MARCHF11: variants seen among roughly 807,000 people sequenced by gnomAD.
MARCHF11 encodes E3 ubiquitin-protein ligase MARCHF11.
MARCHF11 carries 29 observed loss-of-function variants against 37.3 expected under a neutral mutation model. That is an observed-to-expected ratio of 0.78 (90% confidence interval 0.58 to 1.06). The LOEUF (loss-of-function observed/expected upper bound fraction) is 1.06, where lower values mean the gene tolerates loss of function less well. MARCHF11 is among the 50% of genes least tolerant of loss of function. MARCHF11 has a pLI of 0.00. For missense variants in MARCHF11, 482 were observed against 533.4 expected, an observed-to-expected ratio of 0.90 and a Z score of 0.95; for synonymous variants, 233 against 228.0, an observed-to-expected ratio of 1.02 and a Z score of -0.20.
intron 2 of MARCHF11, among the ~76,000 whole-genome samples, chr5:16,095,987 C>T (rs975812011): frequency 6.6e-6 from 1 of 152,184 alleles, no homozygotes; most frequent in South Asian, 2.1e-4. Context: ...CCCATCAGTG[C>T]CTATGGGATA....
intron 2 of MARCHF11, among the ~76,000 whole-genome samples, chr5:16,137,741 G>A (rs549335280): frequency 3.3e-5 from 5 of 152,304 alleles, no homozygotes; most frequent in Admixed American, 1.3e-4. Flanking sequence ...AGAGGGAGAT[G>A]AGGAACTTAT....
intron 2 of MARCHF11, among the ~76,000 whole-genome samples, chr5:16,167,541 G>T (rs955023290): frequency 7.2e-5 from 11 of 152,072 alleles, no homozygotes; most frequent in Admixed American, 1.3e-4. Flanking sequence ...GAGGCCATCT[G>T]CTTTCGAGTG....
At chr5:16,113,818 C>T (rs759930097) in intron 2 of MARCHF11, among the ~76,000 whole-genome samples, 1 of 152,104 alleles carries the variant, frequency 6.6e-6, no homozygotes, top group Non-Finnish European at 1.5e-5. Context: ...TTGAAATATA[C>T]AATATATTGC....
intron 2 of MARCHF11, among the ~76,000 whole-genome samples, chr5:16,172,952 C>A (rs752411387): frequency 2.0e-5 from 3 of 152,138 alleles, no homozygotes; most frequent in Admixed American, 2.0e-4. Context: ...GGATAAAAAT[C>A]AAAAATAATC....
At chr5:16,125,077 G>A (rs534230455) in intron 2 of MARCHF11, among the ~76,000 whole-genome samples, 21 of 151,494 alleles carry the variant, frequency 1.4e-4, no homozygotes, top group African/African-American at 3.6e-4. Flanking sequence ...AGGTTTCTTC[G>A]CAAGAATATT....
intron 2 of MARCHF11, among the ~76,000 whole-genome samples, chr5:16,145,740 T>C (rs937417805): frequency 2.8e-5 from 4 of 141,202 alleles, no homozygotes; most frequent in Non-Finnish European, 3.2e-5. Context: ...CAAGATTTTA[T>C]GAAAAAAAAA....
At chr5:16,105,837 C>T (rs1326848278) in intron 2 of MARCHF11, among the ~76,000 whole-genome samples, 3 of 152,036 alleles carry the variant, frequency 2.0e-5, no homozygotes, top group African/African-American at 4.8e-5. Context: ...CTTCCCCATA[C>T]TTTTGAGTTC....
At chr5:16,138,400 C>A (rs10051368) in intron 2 of MARCHF11, among the ~76,000 whole-genome samples, 78 of 152,262 alleles carry the variant, frequency 5.1e-4, no homozygotes, top group African/African-American at 1.7e-3. Flanking sequence ...ATGAGATTTG[C>A]GAACTTCTCC....
chr5:16,081,841 AG>A (rs1433092175), intron 3 of MARCHF11, among the ~76,000 whole-genome samples: 3 of 152,280 alleles, frequency 2.0e-5, no homozygotes, highest in African/African-American at 4.8e-5. Flanking sequence ...TCCCCCCTTG[AG>A]GGGGCCTTAA....
intron 2 of MARCHF11, among the ~76,000 whole-genome samples, chr5:16,095,307 C>A (rs200068784): frequency 6.6e-6 from 1 of 152,222 alleles, no homozygotes; most frequent in East Asian, 1.9e-4. Flanking sequence ...TAAGCTTCAG[C>A]GGGGAGGGCT....
chr5:16,166,469 A>AGAGTG (rs74323287), intron 2 of MARCHF11, among the ~76,000 whole-genome samples: 1 of 151,192 alleles, frequency 6.6e-6, no homozygotes, highest in Non-Finnish European at 1.5e-5. Context: ...TGATTAGAGT[A>AGAGTG]CATTGATATA....
At chr5:16,112,627 G>T (rs1464134777) in intron 2 of MARCHF11, among the ~76,000 whole-genome samples, 1 of 152,132 alleles carries the variant, frequency 6.6e-6, no homozygotes, top group Non-Finnish European at 1.5e-5. Flanking sequence ...GTGGACTTTT[G>T]ATTTAATGCT....
At chr5:16,106,387 A>G (rs560673662) in intron 2 of MARCHF11, among the ~76,000 whole-genome samples, 1 of 152,308 alleles carries the variant, frequency 6.6e-6, no homozygotes, top group East Asian at 1.9e-4. Flanking sequence ...TCCTGTTAAA[A>G]TATGATTGTT....
At chr5:16,079,507 C>G (rs1005783142) in intron 3 of MARCHF11, among the ~76,000 whole-genome samples, 4 of 152,184 alleles carry the variant, frequency 2.6e-5, no homozygotes, top group African/African-American at 9.6e-5. Context: ...CAATCTTAAC[C>G]CAGTCTCACC....
At chr5:16,091,793 C>T (rs376484281) in intron 2 of MARCHF11, among the ~76,000 whole-genome samples, 1 of 152,090 alleles carries the variant, frequency 6.6e-6, no homozygotes, top group African/African-American at 2.4e-5. Flanking sequence ...ATTTGGTGCC[C>T]TAAGTATCAA....
At chr5:16,095,716 T>C (rs76595727) in intron 2 of MARCHF11, among the ~76,000 whole-genome samples, 10,765 of 152,146 alleles carry the variant, frequency 0.071, 1,236 homozygotes, top group African/African-American at 0.24. Flanking sequence ...TAAACAGGAT[T>C]CTTCGATCTG....
At chr5:16,137,548 G>A (rs1375815472) in intron 2 of MARCHF11, among the ~76,000 whole-genome samples, 3 of 152,280 alleles carry the variant, frequency 2.0e-5, no homozygotes, top group South Asian at 2.1e-4. Context: ...ATTGGTACTG[G>A]TAAAGTGGGA....
At position 16,179,564 on chromosome 5, in the gene MARCHF11, C is replaced by A; in HGVS notation, c.12G>T (p.Glu4Asp). Reference protein sequence around the residue: MSFEGGHGGSRCRG... With the variant: MSFDGGHGGSRCRG... The stretch of plus-strand genomic sequence containing the variant: ...GACACCGACTGCCGCCGTGGCCGCC[C>A]TCAAAGCTCATGGTTGTGCCGCCGC... The change falls in exon 1 of 4, where the codon GAG becomes GAT. Residue 4 changes from glutamate to aspartate, a missense_variant. Glu to Asp is a conservative substitution (Grantham distance 45). Transcript: ENST00000332432. 1.7e-6 allele frequency: 2 copies of A among 1,185,762 alleles called. No individual in the cohort carries two copies. Among genetic ancestry groups the A allele is most frequent in the South Asian group, 4.2e-5 (1 of 23,826 alleles). The allele number at this position is 1,185,762 out of a possible 1,614,324, so 73.5% of individuals were successfully genotyped here. A position where few individuals can be genotyped will look rare whatever the true frequency, so the allele number is the denominator to read the frequency against.
intron 2 of MARCHF11, among the ~76,000 whole-genome samples, chr5:16,122,621 G>A (rs1042490753): frequency 3.9e-5 from 6 of 152,086 alleles, no homozygotes; most frequent in African/African-American, 1.4e-4. Flanking sequence ...GATCCCTTGT[G>A]CAATCCTGTG....
Sources: gnomAD v4.1 joint callset for allele counts (sites outside exome capture counted in the v4.1 genomes callset) on GRCh38, gnomAD v4.1.1 for gene constraint, MANE v1.5 for transcripts, NCBI Gene and HGNC (gene_info 2026-07-23, HGNC 2026-07-21) for gene names.